Variants in TMEM267 observed in about 807,000 individuals in gnomAD.
TMEM267 encodes the protein transmembrane protein C5orf28.
In TMEM267, 20 loss-of-function variants were observed where a neutral mutation model predicts 19.3. That is an observed-to-expected ratio of 1.04 (90% CI 0.73 to 1.51). The LOEUF (loss-of-function observed/expected upper bound fraction) is 1.51, where lower values mean the gene tolerates loss of function less well. Among genes scored for constraint, TMEM267 ranks in the 40% most tolerant of loss-of-function variants. TMEM267 has a pLI of 0.00. For synonymous variants in TMEM267, 88 were observed against 90.3 expected (o/e 0.97, Z 0.15); for missense variants, 242 against 261.9 (o/e 0.92, Z 0.52).
intron 1 of TMEM267, among the ~76,000 whole-genome samples, chr5:43,478,649 A>C (rs1057185036): frequency 6.6e-6 from 1 of 152,196 alleles, no homozygotes; most frequent in African/African-American, 2.4e-5. Context: ...AAAGATTAGT[A>C]GCCCTAATGT....
At chr5:43,479,988 CTGAA>C (rs2112220812) in intron 1 of TMEM267, 2 of 371,768 alleles carry the variant, frequency 5.4e-6, no homozygotes, top group Non-Finnish European at 1.0e-5. Flanking sequence ...CATTCAACAC[CTGAA>C]TGGATAAAGA....
chr5:43,449,180 G>A (rs939276670), intron 2 of TMEM267, among the ~76,000 whole-genome samples: 2 of 152,094 alleles, frequency 1.3e-5, no homozygotes, highest in African/African-American at 4.8e-5. Context: ...GCTGAGGCAT[G>A]AGAATCCCTT....
At chr5:43,447,282 G>A (rs1742305399) in intron 2 of TMEM267, among the ~76,000 whole-genome samples, 1 of 151,888 alleles carries the variant, frequency 6.6e-6, no homozygotes, top group South Asian at 2.1e-4. Flanking sequence ...TAGAGACAGG[G>A]TTTCACCATG....
chr5:43,465,568 CAAT>C (rs1331370872), intron 1 of TMEM267, among the ~76,000 whole-genome samples: 2 of 152,122 alleles, frequency 1.3e-5, no homozygotes, highest in Non-Finnish European at 2.9e-5. Flanking sequence ...AAATGTCCAA[CAAT>C]GATAGACTGG....
At chr5:43,449,367 G>C (rs1008903804) in intron 2 of TMEM267, among the ~76,000 whole-genome samples, 5 of 151,994 alleles carry the variant, frequency 3.3e-5, no homozygotes, top group African/African-American at 1.2e-4. Flanking sequence ...AGCTGAAATA[G>C]AATACAGGCA....
chr5:43,457,839 T>C (rs1025709634), intron 1 of TMEM267, among the ~76,000 whole-genome samples: 12 of 152,094 alleles, frequency 7.9e-5, no homozygotes, highest in Non-Finnish European at 1.8e-4. Context: ...TGTACTGTAG[T>C]TCATTATATT....
At chr5:43,464,363 GA>G (rs1023062504) in intron 1 of TMEM267, among the ~76,000 whole-genome samples, 19 of 152,152 alleles carry the variant, frequency 1.2e-4, no homozygotes, top group African/African-American at 4.6e-4. Context: ...TCAATATCGT[GA>G]AAATGGCCAT....
At chr5:43,482,240 TTGCAG>T (rs145224897) in intron 1 of TMEM267, among the ~76,000 whole-genome samples, 2,491 of 152,302 alleles carry the variant, frequency 0.016, 41 homozygotes, top group Non-Finnish European at 0.027. Flanking sequence ...GAAGGTATAA[TTGCAG>T]TTCCAGAACC....
chr5:43,479,188 G>A (rs536044796), intron 1 of TMEM267, among the ~76,000 whole-genome samples: 26 of 151,914 alleles, frequency 1.7e-4, no homozygotes, highest in African/African-American at 6.0e-4. Context: ...ATAGAAAGAT[G>A]TTCATTAAGT....
intron 2 of TMEM267, among the ~76,000 whole-genome samples, chr5:43,451,578 T>C (rs1393353498): frequency 6.6e-6 from 1 of 152,182 alleles, no homozygotes; most frequent in African/African-American, 2.4e-5. Flanking sequence ...GAATGGCTAT[T>C]ATTAAAAAGT....
At chr5:43,459,710 T>C (rs1743145794) in intron 1 of TMEM267, among the ~76,000 whole-genome samples, 1 of 152,114 alleles carries the variant, frequency 6.6e-6, no homozygotes, top group Non-Finnish European at 1.5e-5. Context: ...AATTAAGTGG[T>C]CAATAAAAGG....
At chr5:43,478,633 A>G (rs1744575070) in intron 1 of TMEM267, among the ~76,000 whole-genome samples, 1 of 152,172 alleles carries the variant, frequency 6.6e-6, no homozygotes. Flanking sequence ...AACATTTATG[A>G]CAGAGAAAGA....
intron 1 of TMEM267, among the ~76,000 whole-genome samples, chr5:43,478,544 T>G (rs1307438143): frequency 2.0e-5 from 3 of 152,186 alleles, no homozygotes; most frequent in Non-Finnish European, 4.4e-5. Flanking sequence ...AAAATTATTT[T>G]TAAAAATCTG....
At chr5:43,483,473 C>G (rs1405636350) in intron 1 of TMEM267, among the ~76,000 whole-genome samples, 1 of 152,228 alleles carries the variant, frequency 6.6e-6, no homozygotes, top group Non-Finnish European at 1.5e-5. Context: ...TCCTTCGGCA[C>G]GACTCCCGGA....
rs928802807 is a variant in TMEM267, at chr5:43,483,417, C to T, written c.-75+405G>A. Among the ~76,000 whole-genome samples the T allele has an allele frequency of 1.2e-3, 184 of 152,360 alleles. 3 individuals are homozygous for T. Among genetic ancestry groups the T allele is most frequent in the Non-Finnish European group, 1.2e-3 (84 of 68,036 alleles). On this transcript the variant is annotated intron_variant, in intron 1 of 2. Coordinates refer to ENST00000397080, the MANE Select transcript of TMEM267 (RefSeq NM_022483.5). ...TCTCAGCATTCAAGCCTCAAAGGCT[C>T]CGGGGCACGAAAGGCTCTTACAACC... is the stretch of plus-strand genomic sequence containing the variant.
At chr5:43,461,021 C>A (rs1743225627) in intron 1 of TMEM267, among the ~76,000 whole-genome samples, 2 of 152,188 alleles carry the variant, frequency 1.3e-5, no homozygotes, top group South Asian at 2.1e-4. Context: ...ATCACCCTCA[C>A]CTAACCCCAT....
At chr5:43,459,659 G>A (rs978361563) in intron 1 of TMEM267, among the ~76,000 whole-genome samples, 1 of 152,170 alleles carries the variant, frequency 6.6e-6, no homozygotes, top group African/African-American at 2.4e-5. Flanking sequence ...AAAGTTCTAT[G>A]GGGTAAGAGG....
intron 1 of TMEM267, among the ~76,000 whole-genome samples, chr5:43,458,194 G>A (rs952475863): frequency 6.6e-6 from 1 of 152,032 alleles, no homozygotes; most frequent in Non-Finnish European, 1.5e-5. Flanking sequence ...TCTATGTCCT[G>A]GGCTCATGAG....
intron 2 of TMEM267, 145 bp from the exon 3 acceptor site, chr5:43,446,702 C>A (rs1742258782): frequency 8.5e-6 from 4 of 468,826 alleles, no homozygotes; most frequent in Admixed American, 7.7e-5. Flanking sequence ...GATACATATA[C>A]CAAAATTATA....
Sources: allele counts gnomAD v4.1 joint callset (sites outside exome capture counted in the v4.1 genomes callset), GRCh38; gene constraint gnomAD v4.1.1; transcripts MANE v1.5; gene names NCBI Gene and HGNC (gene_info 2026-07-23, HGNC 2026-07-21).